The following COL15A1 variants were observed in gnomAD, a reference collection of about 807,000 sequenced individuals.
COL15A1 encodes the protein collagen alpha-1(XV) chain.
A neutral mutation model predicts 165.9 loss-of-function variants in COL15A1; 111 were observed. The ratio of observed to expected loss-of-function variants is 0.67; its 90% CI spans 0.57 to 0.78. COL15A1 has a LOEUF of 0.78. Ranked by LOEUF, COL15A1 falls within the 30% of genes least tolerant of loss-of-function variation. COL15A1 has a pLI of 0.00. For synonymous variants in COL15A1, 659 were observed against 674.8 expected, an observed-to-expected ratio of 0.98 and a Z score of 0.36; for missense variants, 1,745 against 1,789.7, an observed-to-expected ratio of 0.98 and a Z score of 0.45.
At chr9:98,997,971 C>T (rs1838578046) in intron 6 of COL15A1, 1 of 152,232 alleles carries the variant, frequency 6.6e-6, no homozygotes, top group African/African-American at 2.4e-5. Flanking sequence ...AATTCTATTT[C>T]ATTCATACAT....
chr9:98,955,651 A>G (rs2118776496), intron 2 of COL15A1, among the ~76,000 whole-genome samples: 1 of 152,356 alleles, frequency 6.6e-6, no homozygotes, highest in African/African-American at 2.4e-5. Context: ...TAGTATGTAT[A>G]TCAAGAATAG....
intron 11 of COL15A1, among the ~76,000 whole-genome samples, chr9:99,017,673 C>G (rs1838959189): frequency 6.6e-6 from 1 of 152,076 alleles, no homozygotes; most frequent in Non-Finnish European, 1.5e-5. Context: ...TCTGGATTGA[C>G]CCGCTCATGC....
intron 2 of COL15A1, among the ~76,000 whole-genome samples, chr9:98,956,245 G>A (rs1469906938): frequency 6.6e-6 from 1 of 152,202 alleles, no homozygotes; most frequent in Non-Finnish European, 1.5e-5. Flanking sequence ...GGCAGAGGTG[G>A]CAGTGAGCCG....
At chr9:99,034,891 AC>A (rs1219911297) in intron 17 of COL15A1, 122 bp from the exon 18 acceptor site, 5 of 949,960 alleles carry the variant, frequency 5.3e-6, no homozygotes, top group African/African-American at 1.6e-5. Flanking sequence ...ATTAAGTGGT[AC>A]CGATCAGAGA....
At chr9:99,023,259 T>C (rs545296375) in intron 13 of COL15A1, 98 bp from the exon 14 acceptor site, 33 of 1,427,946 alleles carry the variant, frequency 2.3e-5, no homozygotes, top group Non-Finnish European at 3.0e-5. Context: ...CTATAGGATA[T>C]AGGAAACATT....
At chr9:99,055,417 C>A in intron 34 of COL15A1, 45 bp downstream of exon 34, 1 of 1,246,700 alleles carries the variant, frequency 8.0e-7, no homozygotes, top group Non-Finnish European at 1.2e-6. Context: ...AGACTTACAG[C>A]TTTCCCGGAA....
At position 98,996,963 on chromosome 9, in the gene COL15A1, C is replaced by T. The variant is rs755095944; in HGVS notation, c.834C>T (p.Asn278=). The T allele has an allele frequency of 1.2e-6, 2 of 1,614,190 alleles. No homozygotes were observed. Among genetic ancestry groups the T allele is most frequent in the Admixed American group, 1.7e-5 (1 of 60,026 alleles). Residue 278 remains asparagine (N), a synonymous_variant, in exon 6 of 42, where the codon AAC becomes AAT. Coordinates refer to ENST00000375001, the MANE Select transcript of COL15A1 (RefSeq NM_001855.5). The part of the protein sequence containing the change: ...SPKEAKVEPI[N]TPPTPSSPFE... ...AAGAAGCAAAAGTTGAACCCATAAA[C>T]ACACCTCCAACTCCATCCTCCCCCT...
chr9:99,060,540 G>A (rs993970352), intron 36 of COL15A1, among the ~76,000 whole-genome samples: 5 of 150,502 alleles, frequency 3.3e-5, no homozygotes, highest in African/African-American at 1.2e-4. Context: ...CCAAAGTGCT[G>A]GGAGTACAGA....
At chr9:99,049,595 AC>A (rs1839549470) in intron 28 of COL15A1, 94 bp from the exon 29 acceptor site, 1 of 1,517,308 alleles carries the variant, frequency 6.6e-7, no homozygotes, top group African/African-American at 1.4e-5. Flanking sequence ...GCTTCAGCAG[AC>A]CCTCCTTTCC....
Position 98,996,875 on chromosome 9 carries a change from C to A in COL15A1, c.805-59C>A, listed in dbSNP as rs375473146. 3 of 1,597,640 alleles carry A rather than the reference C, an allele frequency of 1.9e-6. No individual in the cohort carries two copies. In the African/African-American group the frequency reaches 4.0e-5, roughly 21 times the overall value. On this transcript the variant is annotated intron_variant, in intron 5 of 41. Coordinates refer to ENST00000375001, the MANE Select transcript of COL15A1 (RefSeq NM_001855.5). ...TATTTTCTTCAGTGATATTCTCTGT[C>A]ATTTCTTCTGCTTTACTGCCAAGTA...
chr9:99,059,919 C>G lies in COL15A1; in HGVS notation c.3368C>G (p.Pro1123Arg). Residue 1123 changes from proline to arginine, a missense_variant, in exon 36 of 42, where the codon CCA becomes CGA. Pro to Arg is a moderately radical substitution (Grantham distance 103). Transcript: ENST00000375001. ...AVALPGPPGPPGQPGLPGSRN... is the reference protein window; with the variant it reads ...AVALPGPPGPRGQPGLPGSRN... ...GCCCTTCCAGGTCCCCCTGGCCCTC[C>G]AGGACAGCCAGGGCTTCCCGGATCC... 6.2e-7 allele frequency: 1 copy of G among 1,614,010 alleles called. No individual in the cohort carries two copies. Among genetic ancestry groups the G allele is most frequent in the African/African-American group, 1.3e-5 (1 of 75,014 alleles).
In COL15A1 at chr9:99,000,840, G is replaced by A. The variant is rs199849873; in HGVS notation, c.954G>A (p.Gly318=). The A allele has an allele frequency of 5.4e-6, 8 of 1,487,170 alleles. No homozygotes were observed. Among genetic ancestry groups the A allele is most frequent in the Non-Finnish European group, 6.6e-6 (7 of 1,065,492 alleles). 92.1% of individuals were successfully genotyped at this position (1,487,170 alleles called of 1,614,324 possible). The stretch of plus-strand genomic sequence containing the variant: ...TAGCAGAATGCCTGCTTCCTGTAGG[G>A]TCTGGTGAGATCCTGAATGACACAC... The part of the protein sequence containing the change: ...SIIQHSSPKQ[G]SGEILNDTLE... Residue 318 remains glycine (G), a splice_region_variant and synonymous_variant, in exon 7 of 42, where the codon GGG becomes GGA. Transcript: ENST00000375001.
intron 16 of COL15A1, among the ~76,000 whole-genome samples, chr9:99,027,847 T>A (rs559718904): frequency 2.0e-5 from 3 of 152,362 alleles, no homozygotes; most frequent in African/African-American, 7.2e-5. Flanking sequence ...TTGCACATGA[T>A]ATTTACCTTA....
intron 2 of COL15A1, among the ~76,000 whole-genome samples, chr9:98,964,940 T>C (rs1029276637): frequency 2.6e-5 from 4 of 152,228 alleles, no homozygotes; most frequent in African/African-American, 9.6e-5. Flanking sequence ...CTGACTGCGC[T>C]GCTTGTCTGC....
chr9:99,053,363 A>T (rs998665466), intron 31 of COL15A1, among the ~76,000 whole-genome samples: 1 of 152,208 alleles, frequency 6.6e-6, no homozygotes, highest in African/African-American at 2.4e-5. Context: ...GCTTAGATTC[A>T]GTTCAAGGCT....
intron 16 of COL15A1, among the ~76,000 whole-genome samples, chr9:99,034,038 C>T (rs1380478249): frequency 6.6e-5 from 10 of 152,196 alleles, no homozygotes; most frequent in Non-Finnish European, 1.3e-4. Context: ...ATGCAACCTC[C>T]TCCCCAATTC....
intron 2 of COL15A1, among the ~76,000 whole-genome samples, chr9:98,962,968 G>A (rs1837886614): frequency 6.6e-6 from 1 of 152,212 alleles, no homozygotes; most frequent in South Asian, 2.1e-4. Context: ...AGAAATGTGT[G>A]TGTTGATGGC....
At chr9:99,027,657 T>A (rs1200538780) in intron 16 of COL15A1, among the ~76,000 whole-genome samples, 2 of 149,840 alleles carry the variant, frequency 1.3e-5, no homozygotes, top group Non-Finnish European at 3.0e-5. Flanking sequence ...GCTTGAAGAA[T>A]CAGCAGTGCA....
rs187595636 is a variant in COL15A1, at chr9:99,035,164, C to G, written c.2220+10C>G. On this transcript the variant is annotated intron_variant, in intron 18 of 41. Transcript: ENST00000375001. Reference sequence around the variant, plus strand: ...GGGACTTGGATTCGAGGTACTTTTCCCCTTTTCTGTGGTTATAAAAATGAT... The same window carrying G: ...GGGACTTGGATTCGAGGTACTTTTCGCCTTTTCTGTGGTTATAAAAATGAT... 7.9e-5 allele frequency: 125 copies of G among 1,587,872 alleles called. 1 individual carries two copies. The African/African-American group carries it at 1.4e-3, about 17-fold the overall frequency.
Sources: gnomAD v4.1 joint callset for allele counts (sites outside exome capture counted in the v4.1 genomes callset) on GRCh38, gnomAD v4.1.1 for gene constraint, MANE v1.5 for transcripts, NCBI Gene and HGNC (gene_info 2026-07-23, HGNC 2026-07-21) for gene names.